NSUN7: variants seen among roughly 807,000 people sequenced by gnomAD.
NSUN7 encodes the protein NOP2/Sun RNA methyltransferase family member 7.
In NSUN7, 39 loss-of-function variants were observed where a neutral mutation model predicts 58.5. That is an observed-to-expected ratio of 0.67 (90% CI 0.52 to 0.87). The LOEUF is 0.87. NSUN7 is among the 40% of genes least tolerant of loss of function. The probability of loss-of-function intolerance (pLI) is 0.00; values close to 1 mark genes in which losing one functional copy is unlikely to be tolerated. For synonymous variants in NSUN7, 278 were observed against 303.7 expected (o/e 0.92, Z 0.88); for missense variants, 765 against 844.1 (o/e 0.91, Z 1.16).
chr4:40,758,312 G>GA (rs1159460469), intron 2 of NSUN7, among the ~76,000 whole-genome samples: 1 of 151,610 alleles, frequency 6.6e-6, no homozygotes, highest in Non-Finnish European at 1.5e-5. Context: ...TACTTGTTGT[G>GA]AAAAAAAAGT....
At chr4:40,756,398 A>G (rs532349487) in intron 2 of NSUN7, among the ~76,000 whole-genome samples, 3 of 152,358 alleles carry the variant, frequency 2.0e-5, no homozygotes, top group East Asian at 3.9e-4. Context: ...CAGACTGAAG[A>G]GAAGCTTTAA....
Position 40,807,194 on chromosome 4 carries a change from A to C in NSUN7, c.1524+10A>C. 6.5e-7 allele frequency: 1 copy of C among 1,545,596 alleles called. No homozygotes were observed. Among genetic ancestry groups the C allele is most frequent in the Non-Finnish European group, 8.7e-7 (1 of 1,144,780 alleles). On this transcript the variant is annotated intron_variant, in intron 11 of 11. Transcript: ENST00000381782. ...TATTTTAACAAGGGAGGTAAGGAAAAAAAATCCTAATCCATGTCATACTTT... is the reference window on the plus strand; with the variant it reads ...TATTTTAACAAGGGAGGTAAGGAAACAAAATCCTAATCCATGTCATACTTT...
intron 2 of NSUN7, among the ~76,000 whole-genome samples, chr4:40,757,616 T>C (rs1024940724): frequency 6.9e-6 from 1 of 145,806 alleles, no homozygotes; most frequent in Non-Finnish European, 1.5e-5. Flanking sequence ...ATACATTGTG[T>C]GTATATATAT....
chr4:40,774,833 T>G lies in NSUN7; in HGVS notation c.708T>G (p.Ile236Met). ...ATAAAGTCAAATCTGTATTGCATAT[T>G]GATGATAAAGTCTTTGCTGTGGATC... ...GYNKVKSVLHIDDKVFAVDQH... is the reference protein window; with the variant it reads ...GYNKVKSVLHMDDKVFAVDQH... The change falls in exon 6 of 12, where the codon ATT becomes ATG. Residue 236 changes from isoleucine to methionine, a missense_variant. By Grantham distance (10) the Ile-to-Met change is conservative. Transcript: ENST00000381782. 1 of 1,555,268 alleles carries G rather than the reference T, an allele frequency of 6.4e-7. No individual in the cohort carries two copies. The highest frequency in any genetic ancestry group is 8.9e-7 in the Non-Finnish European group (1 of 1,128,284).
At position 40,811,108 on chromosome 4, in the gene NSUN7, A is replaced by G. The variant is rs1229185533; in HGVS notation, c.*2169A>G. 1 of 152,124 alleles carries G rather than the reference A, an allele frequency of 6.6e-6. No individual in the cohort carries two copies. Among genetic ancestry groups the G allele is most frequent in the African/African-American group, 2.4e-5 (1 of 41,362 alleles). The allele number at this position is 152,124 out of a possible 1,614,324, so 9.4% of individuals were successfully genotyped here. On this transcript the variant is annotated 3_prime_UTR_variant, in exon 12 of 12. Transcript: ENST00000381782. ...TTGCCACTTACATTGATTATCTCCT[A>G]ACATGCATTTGGCACTAAATTATTT...
chr4:40,780,800 TATATATATA>T (rs1742509240), intron 7 of NSUN7, among the ~76,000 whole-genome samples: 1 of 78,228 alleles, frequency 1.3e-5, no homozygotes, highest in Non-Finnish European at 2.6e-5. Context: ...CACATATATA[TATATATATA>T]TATATTTTTT....
intron 7 of NSUN7, among the ~76,000 whole-genome samples, chr4:40,777,436 C>T (rs1166596243): frequency 2.6e-5 from 4 of 152,042 alleles, no homozygotes; most frequent in Non-Finnish European, 5.9e-5. Flanking sequence ...CGGGTTCAAG[C>T]GATTCTCCTG....
At chr4:40,797,704 G>A (rs898480519) in intron 9 of NSUN7, among the ~76,000 whole-genome samples, 1 of 152,072 alleles carries the variant, frequency 6.6e-6, no homozygotes, top group African/African-American at 2.4e-5. Flanking sequence ...TAATTTCTCT[G>A]CCAGCCTCTG....
rs1743835605 is a variant in NSUN7 at position 40,807,080 on chromosome 4, C to G, written c.1420C>G (p.Pro474Ala). 6.4e-7 allele frequency: 1 copy of G among 1,551,634 alleles called. No homozygotes were observed. Among genetic ancestry groups the G allele is most frequent in the Non-Finnish European group, 8.7e-7 (1 of 1,146,862 alleles). ...QPYRLSPPVLPLCSLKEIQLS... is the reference protein window; with the variant it reads ...QPYRLSPPVLALCSLKEIQLS... Reference sequence around the variant, plus strand: ...CTGCAGGCTTAGTCCTCCTGTTCTTCCACTGTGCTCCTTAAAGGAAATTCA... The same window carrying G: ...CTGCAGGCTTAGTCCTCCTGTTCTTGCACTGTGCTCCTTAAAGGAAATTCA... The change falls in exon 11 of 12, where the codon CCA (proline) becomes GCA (alanine). Residue 474 changes from proline (P) to alanine (A), a missense_variant. Pro to Ala is a conservative substitution (Grantham distance 27). Coordinates refer to ENST00000381782, the MANE Select transcript of NSUN7 (RefSeq NM_024677.6).
rs1057229255 is a variant in NSUN7 at position 40,768,213 on chromosome 4, T to C, written c.489-6052T>C. Among the ~76,000 whole-genome samples the C allele has an allele frequency of 2.0e-5, 3 of 151,504 alleles. No homozygotes were observed. The South Asian group carries it at 6.2e-4, about 31-fold the overall frequency. On this transcript the variant is annotated intron_variant, in intron 4 of 11. Transcript: ENST00000381782. ...CTAATTCTTTTTTTTTCTTTTTTTTTTTTTTTGAGACGGACTCTTGCTCTG... is the reference window on the plus strand; with the variant it reads ...CTAATTCTTTTTTTTTCTTTTTTTTCTTTTTTGAGACGGACTCTTGCTCTG...
Position 40,750,781 on chromosome 4 carries a change from G to A in NSUN7, c.88G>A (p.Gly30Arg). 6.2e-7 allele frequency: 1 copy of A among 1,614,200 alleles called. No individual in the cohort carries two copies. The highest frequency in any genetic ancestry group is 8.5e-7 in the Non-Finnish European group (1 of 1,180,036). ...SQLTSLPLSG[G>R]KSSAGVPEKT... ...ACTCACTTCCCTGCCTCTGTCCGGT[G>A]GGAAAAGCTCAGCTGGTGTGCCCGA... The change falls in exon 2 of 12, where the codon GGG (glycine) becomes AGG (arginine). Residue 30 changes from glycine to arginine, a missense_variant. Coordinates refer to ENST00000381782, the MANE Select transcript of NSUN7 (RefSeq NM_024677.6).
chr4:40,760,541 A>C, intron 3 of NSUN7, 49 bp downstream of exon 3: 1 of 1,441,964 alleles, frequency 6.9e-7, no homozygotes, highest in Non-Finnish European at 9.6e-7. Context: ...TTTTTTTAAA[A>C]AAGAAAGTGT....
chr4:40,773,304 A>T (rs1742100052), intron 4 of NSUN7: 1 of 152,250 alleles, frequency 6.6e-6, no homozygotes, highest in Admixed American at 6.5e-5. Context: ...AACATTCCTG[A>T]GGTTACACAG....
rs1233372058 is a variant in NSUN7, at chr4:40,760,794, C to T, written c.357+302C>T. Among the ~76,000 whole-genome samples the T allele has an allele frequency of 2.1e-5, 3 of 145,358 alleles. No homozygotes were observed. In the East Asian group the frequency reaches 6.0e-4, roughly 29 times the overall value. ...GAGAATTGCTTGAAAACCCAGGAGG[C>T]AGAGGTTGCAGTGAGCTAGATTGCG... On this transcript the variant is annotated intron_variant, in intron 3 of 11. Coordinates refer to ENST00000381782, the MANE Select transcript of NSUN7 (RefSeq NM_024677.6).
At chr4:40,807,265 T>C (rs914372537) in intron 11 of NSUN7, 81 bp downstream of exon 11, 26 of 1,287,012 alleles carry the variant, frequency 2.0e-5, no homozygotes, top group Non-Finnish European at 2.6e-5. Context: ...CCAGGAACTT[T>C]GCACATTCTG....
Position 40,750,585 on chromosome 4 carries a change from C to A in NSUN7, c.-91-18C>A. The A allele has an allele frequency of 7.6e-7, 1 of 1,323,124 alleles. No individual in the cohort carries two copies. The highest frequency in any genetic ancestry group is 1.0e-6 in the Non-Finnish European group (1 of 959,032). The allele number at this position is 1,323,124 out of a possible 1,614,324, so 82.0% of individuals were successfully genotyped here. A position where few individuals can be genotyped will look rare whatever the true frequency, so the allele number is the denominator to read the frequency against. On this transcript the variant is annotated intron_variant, in intron 1 of 11. Transcript: ENST00000381782. ...TGCAGAAAGAGTGATTTACTGCAATCACCTTCTCTCTTCACAGAGACCATG... is the reference window on the plus strand; with the variant it reads ...TGCAGAAAGAGTGATTTACTGCAATAACCTTCTCTCTTCACAGAGACCATG...
intron 7 of NSUN7, among the ~76,000 whole-genome samples, chr4:40,783,805 G>GC (rs1253329963): frequency 6.6e-6 from 1 of 151,380 alleles, no homozygotes; most frequent in Non-Finnish European, 1.5e-5. Flanking sequence ...CCAAGATTGT[G>GC]CCACTGCACT....
At chr4:40,785,546 A>C (rs1742776327) in intron 7 of NSUN7, among the ~76,000 whole-genome samples, 1 of 152,138 alleles carries the variant, frequency 6.6e-6, no homozygotes, top group African/African-American at 2.4e-5. Context: ...TTTTTAGTAG[A>C]GATAGGGTTT....
chr4:40,792,455 A>G (rs1269941408), intron 8 of NSUN7, among the ~76,000 whole-genome samples: 1 of 152,184 alleles, frequency 6.6e-6, no homozygotes, highest in Non-Finnish European at 1.5e-5. Context: ...ATAAGCTAAG[A>G]AGTTGTCGTA....
Sources: gnomAD v4.1 joint callset for allele counts (sites outside exome capture counted in the v4.1 genomes callset) on GRCh38, gnomAD v4.1.1 for gene constraint, MANE v1.5 for transcripts, NCBI Gene and HGNC (gene_info 2026-07-23, HGNC 2026-07-21) for gene names.